FGF1: variants seen among roughly 807,000 people sequenced by gnomAD.
FGF1 encodes the protein fibroblast growth factor 1.
A neutral mutation model predicts 13.4 loss-of-function variants in FGF1; 9 were observed. The ratio of observed to expected loss-of-function variants is 0.67; its 90% CI spans 0.40 to 1.17. The LOEUF is 1.17. FGF1 is among the 50% of genes most tolerant of loss of function. The probability of loss-of-function intolerance (pLI) is 0.01; values close to 1 mark genes in which losing one functional copy is unlikely to be tolerated. For missense variants in FGF1, 156 were observed against 192.7 expected (o/e 0.81, Z 1.13); for synonymous variants, 93 against 79.0 (o/e 1.18, Z -0.94).
intron 1 of FGF1, among the ~76,000 whole-genome samples, chr5:142,680,547 G>C (rs1388463476): frequency 6.8e-6 from 1 of 147,460 alleles, no homozygotes; most frequent in African/African-American, 2.4e-5. Context: ...TTTTTCCCTT[G>C]CTCATAAAAT....
intron 1 of FGF1, among the ~76,000 whole-genome samples, chr5:142,677,819 C>T (rs1268613151): frequency 1.3e-5 from 2 of 152,186 alleles, no homozygotes; most frequent in South Asian, 2.1e-4. Flanking sequence ...TTCCTGCCTT[C>T]ATAAGGCTTA....
chr5:142,685,874 AACACACACACACAC>A (rs35997480), intron 1 of FGF1, 69 bp downstream of exon 1: 154 of 145,760 alleles, frequency 1.1e-3, no homozygotes, highest in African/African-American at 3.8e-3. Context: ...ACACACACAA[AACACACACACACAC>A]ACACACACAC....
chr5:142,694,707 A>T (rs1752829916), intron 2 of FGF1, among the ~76,000 whole-genome samples: 1 of 152,160 alleles, frequency 6.6e-6, no homozygotes, highest in African/African-American at 2.4e-5. Flanking sequence ...GGGCAAGCTT[A>T]AATTCTAAAG....
At chr5:142,695,304 G>C (rs1444517472) in intron 2 of FGF1, among the ~76,000 whole-genome samples, 2 of 152,216 alleles carry the variant, frequency 1.3e-5, no homozygotes, top group Non-Finnish European at 2.9e-5. Context: ...GCTGGGCGCA[G>C]TGGCTTATGC....
At chr5:142,612,092 T>G (rs1301488218) in intron 2 of FGF1, among the ~76,000 whole-genome samples, 2 of 152,204 alleles carry the variant, frequency 1.3e-5, no homozygotes, top group African/African-American at 4.8e-5. Context: ...CCAAGTTCAC[T>G]TGGAAAATAA....
intron 2 of FGF1, among the ~76,000 whole-genome samples, chr5:142,607,455 C>T (rs1052617773): frequency 1.3e-5 from 2 of 152,170 alleles, no homozygotes; most frequent in African/African-American, 4.8e-5. Context: ...CGTCCATGGT[C>T]TGTAGGGTAC....
At chr5:142,673,850 G>A (rs1041824365) in intron 1 of FGF1, among the ~76,000 whole-genome samples, 6 of 152,130 alleles carry the variant, frequency 3.9e-5, no homozygotes, top group South Asian at 2.1e-4. Flanking sequence ...CATCCAACAC[G>A]CCCAGTGACT....
chr5:142,608,571 TATATATATATATACAC>T (rs1412703206), intron 2 of FGF1, among the ~76,000 whole-genome samples: 38 of 88,038 alleles, frequency 4.3e-4, no homozygotes, highest in African/African-American at 2.3e-3. Flanking sequence ...TATATATATA[TATATATATATATACAC>T]ACACACACAC....
At chr5:142,613,254 TTAGA>T (rs2151869712) in intron 2 of FGF1, among the ~76,000 whole-genome samples, 1 of 152,348 alleles carries the variant, frequency 6.6e-6, no homozygotes, top group African/African-American at 2.4e-5. Context: ...TTTTTTATAC[TTAGA>T]TAGTCAAGAA....
intron 1 of FGF1, among the ~76,000 whole-genome samples, chr5:142,618,785 G>T (rs1485415540): frequency 3.3e-5 from 5 of 152,014 alleles, no homozygotes; most frequent in Admixed American, 6.6e-5. Flanking sequence ...TTACTATATA[G>T]TTATTACAGT....
At chr5:142,603,445 G>C (rs954514120) in intron 2 of FGF1, among the ~76,000 whole-genome samples, 1 of 151,920 alleles carries the variant, frequency 6.6e-6, no homozygotes, top group African/African-American at 2.4e-5. Flanking sequence ...TTCTTTCATG[G>C]CACTTAGTAC....
chr5:142,660,294 G>A (rs1384485691), intron 1 of FGF1, among the ~76,000 whole-genome samples: 1 of 152,254 alleles, frequency 6.6e-6, no homozygotes, highest in East Asian at 1.9e-4. Flanking sequence ...CCTCTGACTG[G>A]AAGGGAAGAG....
rs181876857 is a variant in FGF1, at chr5:142,647,388, G to A, written c.-34-33227C>T. On this transcript the variant is annotated intron_variant, in intron 1 of 3. Transcript: ENST00000337706. Reference sequence around the variant, plus strand: ...CTTGTCACTTCTCTAAAAATCTTTCGCCCTTCTGTTGAGCTGCTATATAAA... The same window carrying A: ...CTTGTCACTTCTCTAAAAATCTTTCACCCTTCTGTTGAGCTGCTATATAAA... Among the ~76,000 whole-genome samples, 14 of 152,132 alleles carry A rather than the reference G, an allele frequency of 9.2e-5. No homozygotes were observed. In the East Asian group the frequency reaches 2.5e-3, roughly 27 times the overall value.
At chr5:142,687,123 G>C (rs557107011), upstream of FGF1, among the ~76,000 whole-genome samples, 5 of 152,254 alleles carry the variant, frequency 3.3e-5, no homozygotes, top group Admixed American at 3.3e-4. Flanking sequence ...GAGTGTGTGT[G>C]TGTGTGTGTG....
At chr5:142,622,220 C>T (rs1450869371) in intron 1 of FGF1, among the ~76,000 whole-genome samples, 1 of 152,234 alleles carries the variant, frequency 6.6e-6, no homozygotes, top group Non-Finnish European at 1.5e-5. Context: ...ACTTCACTGA[C>T]TCCTTCATTA....
intron 3 of FGF1, among the ~76,000 whole-genome samples, chr5:142,596,943 A>T (rs772737681): frequency 6.6e-6 from 1 of 152,204 alleles, no homozygotes; most frequent in Non-Finnish European, 1.5e-5. Flanking sequence ...TTATGATATC[A>T]TCAAAATGTC....
intron 2 of FGF1, among the ~76,000 whole-genome samples, chr5:142,613,028 A>G (rs1470799979): frequency 6.6e-6 from 1 of 152,144 alleles, no homozygotes; most frequent in Non-Finnish European, 1.5e-5. Flanking sequence ...GTCTTCTTCT[A>G]TGTCTCCTGA....
At chr5:142,642,157 G>A (rs1407798223) in intron 1 of FGF1, among the ~76,000 whole-genome samples, 1 of 152,186 alleles carries the variant, frequency 6.6e-6, no homozygotes, top group Non-Finnish European at 1.5e-5. Context: ...CACTGTCAGA[G>A]AAGCCAGCTG....
intron 1 of FGF1, among the ~76,000 whole-genome samples, chr5:142,619,232 C>G (rs34015): frequency 0.24 from 36,380 of 152,084 alleles, 6,282 homozygotes; most frequent in African/African-American, 0.49. Flanking sequence ...CCACGCCCAG[C>G]CTTTAGTTTT....
Sources: gnomAD v4.1 joint callset for allele counts (sites outside exome capture counted in the v4.1 genomes callset) on GRCh38, gnomAD v4.1.1 for gene constraint, MANE v1.5 for transcripts, NCBI Gene and HGNC (gene_info 2026-07-23, HGNC 2026-07-21) for gene names.